Variants in MTUS2 observed in about 807,000 individuals in gnomAD.
MTUS2 encodes microtubule associated scaffold protein 2, also known as microtubule-associated tumor suppressor candidate 2.
In MTUS2, 40 loss-of-function variants were observed where a neutral mutation model predicts 114.1. The observed-to-expected ratio is 0.35, with a 90% CI of 0.27 to 0.46. The LOEUF is 0.46. Ranked by LOEUF, MTUS2 falls within the 20% of genes least tolerant of loss-of-function variation. The pLI, the probability that MTUS2 is intolerant of heterozygous loss-of-function variation, is 1.00. For synonymous variants in MTUS2, 688 were observed against 672.0 expected, an observed-to-expected ratio of 1.02 and a Z score of -0.37; for missense variants, 1,679 against 1,705.4, an observed-to-expected ratio of 0.98 and a Z score of 0.27.
chr13:29,322,492 A>T (rs1388451930), intron 6 of MTUS2, among the ~76,000 whole-genome samples: 1 of 152,116 alleles, frequency 6.6e-6, no homozygotes, highest in Non-Finnish European at 1.5e-5. Context: ...CAGGGGTTGG[A>T]GGGGTACACG....
chr13:29,324,323 A>C (rs1291688892), intron 6 of MTUS2, among the ~76,000 whole-genome samples: 1 of 152,186 alleles, frequency 6.6e-6, no homozygotes, highest in East Asian at 1.9e-4. Context: ...TAGTTTGGTC[A>C]GGGTCATTGG....
intron 4 of MTUS2, among the ~76,000 whole-genome samples, chr13:29,064,455 A>C (rs1472827619): frequency 1.5e-5 from 1 of 65,520 alleles, no homozygotes; most frequent in East Asian, 4.1e-4. Flanking sequence ...TAGAGAATTG[A>C]CATAATTTTA....
intron 8 of MTUS2, among the ~76,000 whole-genome samples, chr13:29,382,921 A>G (rs540353747): frequency 6.6e-6 from 1 of 152,170 alleles, no homozygotes. Context: ...AACCTGGCTG[A>G]CTGAGGGACA....
intron 6 of MTUS2, among the ~76,000 whole-genome samples, chr13:29,298,417 C>T (rs896888421): frequency 2.0e-5 from 3 of 152,122 alleles, no homozygotes; most frequent in Admixed American, 6.5e-5. Flanking sequence ...TTATTGATTT[C>T]ACACATTTAG....
At chr13:29,139,478 A>C (rs1319731301) in intron 5 of MTUS2, among the ~76,000 whole-genome samples, 3 of 152,204 alleles carry the variant, frequency 2.0e-5, no homozygotes, top group Non-Finnish European at 4.4e-5. Context: ...AAAACTATTC[A>C]TTTCCCCCCA....
At chr13:29,396,614 G>C (rs1873935483) in intron 8 of MTUS2, among the ~76,000 whole-genome samples, 1 of 152,238 alleles carries the variant, frequency 6.6e-6, no homozygotes, top group African/African-American at 2.4e-5. Flanking sequence ...TTGTCATATA[G>C]TGTGGCTTAG....
intron 7 of MTUS2, among the ~76,000 whole-genome samples, chr13:29,325,570 AGAG>A (rs1368034794): frequency 1.0e-3 from 28 of 27,022 alleles, no homozygotes; most frequent in African/African-American, 1.5e-3. Context: ...AAGAAGAAGA[AGAG>A]GAGGAGGAAG....
chr13:29,468,198 G>T (rs1880023662), intron 9 of MTUS2, among the ~76,000 whole-genome samples: 1 of 152,058 alleles, frequency 6.6e-6, no homozygotes, highest in African/African-American at 2.4e-5. Context: ...AAACTAATCA[G>T]GATTTTTATT....
At chr13:29,419,905 A>G (rs927880187) in intron 8 of MTUS2, among the ~76,000 whole-genome samples, 3 of 152,212 alleles carry the variant, frequency 2.0e-5, no homozygotes, top group African/African-American at 7.2e-5. Context: ...TGAAACTGTC[A>G]TGTACAGAAG....
At chr13:29,455,585 C>A (rs1986785) in intron 9 of MTUS2, among the ~76,000 whole-genome samples, 84,099 of 152,064 alleles carry the variant, frequency 0.55, 24,820 homozygotes, top group African/African-American at 0.75. Flanking sequence ...AGTGTCATAC[C>A]AACTCCCTGC....
chr13:29,472,225 A>G (rs1427717508), intron 9 of MTUS2, among the ~76,000 whole-genome samples: 1 of 152,008 alleles, frequency 6.6e-6, no homozygotes, highest in African/African-American at 2.4e-5. Context: ...GGGTTTCACC[A>G]TGGCCAGGCT....
chr13:28,871,278 A>G (rs947587979), intron 2 of MTUS2, among the ~76,000 whole-genome samples: 3 of 152,254 alleles, frequency 2.0e-5, no homozygotes, highest in Admixed American at 1.3e-4. Flanking sequence ...TTTCAGCTGG[A>G]GTGAAATTTT....
In MTUS2 at chr13:29,372,147, G is replaced by T. The variant is rs148743626; in HGVS notation, c.3117+12674G>T. 5.6e-3 allele frequency among the ~76,000 whole-genome samples: 851 copies of T among 151,122 alleles called. 2 individuals are homozygous for T. Among genetic ancestry groups the T allele is most frequent in the Non-Finnish European group, 9.3e-3 (628 of 67,854 alleles). On this transcript the variant is annotated intron_variant, in intron 8 of 15. Coordinates refer to ENST00000612955, the MANE Select transcript of MTUS2 (RefSeq NM_001033602.4). ...TCATCAATTGTACCTCAATAAAGCT[G>T]GCTGGGGAAAGACTTCACGAGGGTC...
chr13:28,942,234 C>T (rs1171567393), intron 2 of MTUS2, among the ~76,000 whole-genome samples: 1 of 152,124 alleles, frequency 6.6e-6, no homozygotes, highest in Non-Finnish European at 1.5e-5. Context: ...TAAAGATGCT[C>T]AACCTCATTA....
chr13:29,064,831 A>T (rs1389035112), intron 4 of MTUS2, among the ~76,000 whole-genome samples: 1 of 152,078 alleles, frequency 6.6e-6, no homozygotes, highest in African/African-American at 2.4e-5. Flanking sequence ...CTTTATGTCC[A>T]TGAGTTCTAA....
chr13:29,144,322 G>A (rs374307645), intron 5 of MTUS2, among the ~76,000 whole-genome samples: 86 of 152,148 alleles, frequency 5.7e-4, no homozygotes, highest in African/African-American at 2.0e-3. Context: ...CAGTCAAGGT[G>A]TTGGCTGGCT....
chr13:29,344,168 T>G (rs1168721687), intron 7 of MTUS2, among the ~76,000 whole-genome samples: 2 of 152,110 alleles, frequency 1.3e-5, no homozygotes, highest in African/African-American at 4.8e-5. Flanking sequence ...AAGTACATTT[T>G]TTCTAGGGTA....
At chr13:29,452,632 CAG>C (rs1461504733) in intron 9 of MTUS2, among the ~76,000 whole-genome samples, 1 of 148,502 alleles carries the variant, frequency 6.7e-6, no homozygotes, top group African/African-American at 2.5e-5. Flanking sequence ...TTTGTAGAGA[CAG>C]GGTCTCACTG....
intron 5 of MTUS2, among the ~76,000 whole-genome samples, chr13:29,274,332 G>C (rs1332191910): frequency 6.6e-6 from 1 of 152,042 alleles, no homozygotes; most frequent in Admixed American, 6.6e-5. Flanking sequence ...GGATGGTCTC[G>C]ATCTCCTGAC....
Sources: allele counts gnomAD v4.1 joint callset (sites outside exome capture counted in the v4.1 genomes callset), GRCh38; gene constraint gnomAD v4.1.1; transcripts MANE v1.5; gene names NCBI Gene and HGNC (gene_info 2026-07-23, HGNC 2026-07-21).